Variants in MIA2 observed in about 807,000 individuals in gnomAD.
MIA2 encodes MIA SH3 domain ER export factor 2, also known as melanoma inhibitory activity protein 2.
A neutral mutation model predicts 167.8 loss-of-function variants in MIA2; 127 were observed. The observed-to-expected ratio is 0.76, with a 90% CI of 0.66 to 0.88. The LOEUF (loss-of-function observed/expected upper bound fraction) is 0.88, where lower values mean the gene tolerates loss of function less well. Ranked by LOEUF, MIA2 falls within the 40% of genes least tolerant of loss-of-function variation. The pLI is 0.00. For synonymous variants in MIA2, 552 were observed against 541.9 expected (o/e 1.02, Z -0.26); for missense variants, 1,690 against 1,624.7 (o/e 1.04, Z -0.69).
Position 39,350,490 on chromosome 14 carries a change from A to G in MIA2, c.*226A>G, listed in dbSNP as rs2074269451. 3 of 387,142 alleles carry G rather than the reference A, an allele frequency of 7.7e-6. No homozygotes were observed. In the South Asian group the frequency reaches 3.5e-4, roughly 45 times the overall value. 24.0% of individuals were successfully genotyped at this position (387,142 alleles called of 1,614,324 possible). On this transcript the variant is annotated 3_prime_UTR_variant, in exon 29 of 29. Coordinates refer to ENST00000640607, the MANE Select transcript of MIA2 (RefSeq NM_001329214.4). ...ACTATTTCAATTTGATTAATCCACTATTATATAAACAATAGTGGGAGTTTT... is the reference window on the plus strand; with the variant it reads ...ACTATTTCAATTTGATTAATCCACTGTTATATAAACAATAGTGGGAGTTTT...
chr14:39,262,641 C>G (rs1193590659), intron 6 of MIA2, among the ~76,000 whole-genome samples: 2 of 152,186 alleles, frequency 1.3e-5, no homozygotes, highest in Non-Finnish European at 2.9e-5. Flanking sequence ...TTCTTCCTAT[C>G]CATGAGCATG....
In MIA2 at chr14:39,350,408, A is replaced by G; in HGVS notation, c.*144A>G. On this transcript the variant is annotated 3_prime_UTR_variant, in exon 29 of 29. Transcript: ENST00000640607. ...TCAGGATAGTATTTTGTAAATAAAG[A>G]TGATTTAAATATGAATCTTATGAGT... is the stretch of plus-strand genomic sequence containing the variant. 2.2e-6 allele frequency: 1 copy of G among 454,234 alleles called. No homozygotes were observed. 28.1% of individuals were successfully genotyped at this position (454,234 alleles called of 1,614,324 possible). A position where few individuals can be genotyped will look rare whatever the true frequency, so the allele number is the denominator to read the frequency against.
intron 23 of MIA2, among the ~76,000 whole-genome samples, chr14:39,381,022 C>CAAA (rs59734735): frequency 3.6e-5 from 4 of 109,722 alleles, no homozygotes; most frequent in South Asian, 3.1e-4. Flanking sequence ...GTAAAAAAAA[C>CAAA]AAAAAAAAAA....
intron 3 of MIA2, 30 bp downstream of exon 3, chr14:39,240,677 G>A: frequency 6.5e-7 from 1 of 1,534,464 alleles, no homozygotes; most frequent in South Asian, 1.1e-5. Flanking sequence ...GTTGTTAATT[G>A]AATTTAAAAT....
At chr14:39,338,711 C>T (rs776868839) in intron 25 of MIA2, among the ~76,000 whole-genome samples, 5 of 152,060 alleles carry the variant, frequency 3.3e-5, no homozygotes, top group South Asian at 4.1e-4. Flanking sequence ...CCTTGCTCAG[C>T]GCTTCAGTTG....
chr14:39,286,882 TG>T (rs2059892543), intron 9 of MIA2, among the ~76,000 whole-genome samples: 1 of 145,952 alleles, frequency 6.9e-6, no homozygotes. Context: ...TGTGTGTGTG[TG>T]TGTGTGTGTG....
At chr14:39,272,432 G>T (rs1232008184) in intron 6 of MIA2, among the ~76,000 whole-genome samples, 1 of 152,184 alleles carries the variant, frequency 6.6e-6, no homozygotes, top group Admixed American at 6.5e-5. Context: ...TCAGAGGAAA[G>T]TGGGCCAAAC....
intron 25 of MIA2, among the ~76,000 whole-genome samples, chr14:39,345,256 T>C (rs986098944): frequency 2.0e-5 from 3 of 152,034 alleles, no homozygotes; most frequent in Non-Finnish European, 4.4e-5. Context: ...ATATTTTTAG[T>C]AGAGACAGGG....
At chr14:39,383,927 TC>T in intron 23 of MIA2, among the ~76,000 whole-genome samples, 1 of 152,306 alleles carries the variant, frequency 6.6e-6, no homozygotes, top group East Asian at 1.9e-4. Context: ...AGAAGTCATC[TC>T]CCTAAAAATG....
chr14:39,343,941 T>C (rs1340216879), intron 25 of MIA2, among the ~76,000 whole-genome samples: 1 of 152,222 alleles, frequency 6.6e-6, no homozygotes, highest in Non-Finnish European at 1.5e-5. Context: ...ACTCCATTTC[T>C]GATTCCTGCA....
intron 25 of MIA2, among the ~76,000 whole-genome samples, chr14:39,341,927 G>T (rs2071970000): frequency 6.6e-6 from 1 of 152,036 alleles, no homozygotes; most frequent in Non-Finnish European, 1.5e-5. Flanking sequence ...ACACTCTTAA[G>T]AGTGTTATTC....
chr14:39,370,125 A>G (rs2074905454), intron 23 of MIA2, among the ~76,000 whole-genome samples: 1 of 152,252 alleles, frequency 6.6e-6, no homozygotes, highest in Non-Finnish European at 1.5e-5. Context: ...AGTTTTCACA[A>G]TAAAATATTA....
intron 23 of MIA2, 48 bp from the exon 24 acceptor site, chr14:39,320,880 T>C: frequency 6.3e-7 from 1 of 1,592,150 alleles, no homozygotes; most frequent in Non-Finnish European, 8.6e-7. Context: ...CTCTGTAGTG[T>C]AGCTAAGTGA....
intron 6 of MIA2, chr14:39,265,302 TATA>T: frequency 2.1e-6 from 2 of 963,718 alleles, no homozygotes; most frequent in Admixed American, 1.9e-5. Flanking sequence ...GAGTGCAGGA[TATA>T]TTAGAATCTG....
intron 23 of MIA2, among the ~76,000 whole-genome samples, chr14:39,384,404 T>G (rs2075229002): frequency 6.6e-6 from 1 of 152,198 alleles, no homozygotes; most frequent in African/African-American, 2.4e-5. Flanking sequence ...GGAGCTCTGA[T>G]GGAGATGTGC....
At chr14:39,346,592 AT>A (rs965438478) in intron 26 of MIA2, among the ~76,000 whole-genome samples, 5 of 151,222 alleles carry the variant, frequency 3.3e-5, no homozygotes, top group Non-Finnish European at 5.9e-5. Flanking sequence ...GAAAATAAAA[AT>A]TTTTTTTAAA....
At chr14:39,315,649 T>G in intron 20 of MIA2, 34 bp from the exon 21 acceptor site, 2 of 1,481,350 alleles carry the variant, frequency 1.4e-6, no homozygotes, top group Non-Finnish European at 9.3e-7. Context: ...AGAAAAATAA[T>G]GGTCAGTAGC....
chr14:39,261,838 T>C (rs2055133007), intron 6 of MIA2, among the ~76,000 whole-genome samples: 1 of 152,138 alleles, frequency 6.6e-6, no homozygotes, highest in Non-Finnish European at 1.5e-5. Context: ...GATGGGGTTG[T>C]TTATTTTTTT....
chr14:39,309,209 G>A (rs1312910855), intron 18 of MIA2, among the ~76,000 whole-genome samples: 1 of 151,904 alleles, frequency 6.6e-6, no homozygotes, highest in South Asian at 2.1e-4. Context: ...CCTTCTTTCC[G>A]CCCTTTCTCC....
Sources: allele counts gnomAD v4.1 joint callset (sites outside exome capture counted in the v4.1 genomes callset), GRCh38; gene constraint gnomAD v4.1.1; transcripts MANE v1.5; gene names NCBI Gene and HGNC (gene_info 2026-07-23, HGNC 2026-07-21).